Variants in RAPGEF4 observed in about 807,000 individuals in gnomAD.
The protein encoded by RAPGEF4 is RAP guanine-nucleotide-exchange factor (GEF) 4.
RAPGEF4 carries 66 observed loss-of-function variants against 147.9 expected under a neutral mutation model. The observed-to-expected ratio is 0.45, with a 90% CI of 0.37 to 0.55. RAPGEF4 has a LOEUF of 0.55. Among genes scored for constraint, RAPGEF4 ranks in the 20% least tolerant of loss-of-function variants. The pLI, the probability that RAPGEF4 is intolerant of heterozygous loss-of-function variation, is 0.00. For missense variants in RAPGEF4, 1,071 were observed against 1,257.3 expected (o/e 0.85, Z 2.24); for synonymous variants, 419 against 442.7 (o/e 0.95, Z 0.67).
intron 6 of RAPGEF4, among the ~76,000 whole-genome samples, chr2:172,942,410 A>G (rs1326170743): frequency 2.6e-5 from 4 of 151,734 alleles, no homozygotes; most frequent in African/African-American, 9.7e-5. Flanking sequence ...AGGAGACAGC[A>G]TTTTGCTGCT....
At chr2:172,995,885 A>G (rs1007519752) in intron 15 of RAPGEF4, among the ~76,000 whole-genome samples, 1 of 152,216 alleles carries the variant, frequency 6.6e-6, no homozygotes, top group East Asian at 1.9e-4. Context: ...TTTCCCATTC[A>G]TGATCTACTG....
chr2:172,977,906 G>A (rs1691253946), intron 10 of RAPGEF4, among the ~76,000 whole-genome samples: 1 of 152,242 alleles, frequency 6.6e-6, no homozygotes, highest in Non-Finnish European at 1.5e-5. Flanking sequence ...ATTGCCAAAT[G>A]ATAGTTGCTT....
chr2:172,905,875 A>G (rs1025742790), intron 4 of RAPGEF4, among the ~76,000 whole-genome samples: 3 of 152,266 alleles, frequency 2.0e-5, no homozygotes, highest in African/African-American at 7.2e-5. Flanking sequence ...TCCAGGAACA[A>G]GGAAACAGAA....
chr2:173,017,397 T>C (rs964537434), intron 20 of RAPGEF4, 29 bp from the exon 21 acceptor site: 3 of 1,601,240 alleles, frequency 1.9e-6, no homozygotes, highest in African/African-American at 2.7e-5. Context: ...CACTGTCCCT[T>C]ATGGCACTTG....
At chr2:173,021,978 G>A (rs548758361) in intron 23 of RAPGEF4, among the ~76,000 whole-genome samples, 2 of 152,042 alleles carry the variant, frequency 1.3e-5, no homozygotes, top group African/African-American at 2.4e-5. Flanking sequence ...CCGCCTTTCC[G>A]TATATTTTTT....
chr2:172,863,490 A>T (rs1694255096), intron 4 of RAPGEF4, among the ~76,000 whole-genome samples: 1 of 152,188 alleles, frequency 6.6e-6, no homozygotes, highest in Non-Finnish European at 1.5e-5. Context: ...AAAAAATGCC[A>T]CTGAGGGGAT....
At chr2:172,768,223 A>T (rs1273846830) in intron 1 of RAPGEF4, among the ~76,000 whole-genome samples, 3 of 152,200 alleles carry the variant, frequency 2.0e-5, no homozygotes, top group Admixed American at 6.5e-5. Flanking sequence ...TATTAAAGTC[A>T]AGGAGGGAGC....
intron 6 of RAPGEF4, among the ~76,000 whole-genome samples, chr2:172,948,482 A>G (rs1687901050): frequency 6.6e-6 from 1 of 152,218 alleles, no homozygotes; most frequent in Admixed American, 6.5e-5. Context: ...ATCTAGGGAA[A>G]AATAAGAGGA....
chr2:172,774,855 C>T (rs543814270), intron 1 of RAPGEF4, among the ~76,000 whole-genome samples: 1 of 152,176 alleles, frequency 6.6e-6, no homozygotes, highest in African/African-American at 2.4e-5. Flanking sequence ...ACATGCTAGA[C>T]ATGTACCAGT....
chr2:173,011,347 C>A (rs1338104662), intron 17 of RAPGEF4, among the ~76,000 whole-genome samples: 1 of 152,164 alleles, frequency 6.6e-6, no homozygotes, highest in Non-Finnish European at 1.5e-5. Context: ...AGAGCCCTGT[C>A]TGAATTTGCA....
chr2:172,744,423 G>A (rs1258650961), intron 1 of RAPGEF4: 2 of 456,294 alleles, frequency 4.4e-6, no homozygotes, highest in South Asian at 1.6e-5. Context: ...GCTATGTTGA[G>A]GTGTGTGAGC....
chr2:173,012,053 A>C (rs553868596), intron 17 of RAPGEF4, among the ~76,000 whole-genome samples: 1 of 152,348 alleles, frequency 6.6e-6, no homozygotes, highest in East Asian at 1.9e-4. Context: ...TGTAGTTTAT[A>C]GAGTAACTTA....
At chr2:172,982,628 T>C (rs143559214) in intron 10 of RAPGEF4, among the ~76,000 whole-genome samples, 37 of 152,286 alleles carry the variant, frequency 2.4e-4, no homozygotes, top group African/African-American at 8.4e-4. Context: ...TATTCAGTCT[T>C]CCAGTGCCAA....
intron 18 of RAPGEF4, 54 bp from the exon 19 acceptor site, chr2:173,016,295 A>T (rs1559186925): frequency 1.7e-5 from 21 of 1,265,290 alleles, no homozygotes; most frequent in Non-Finnish European, 2.2e-5. Context: ...TCTTGACAGA[A>T]TCATGTGCCT....
intron 12 of RAPGEF4, among the ~76,000 whole-genome samples, chr2:172,987,261 C>T (rs1692359901): frequency 6.6e-6 from 1 of 152,126 alleles, no homozygotes; most frequent in African/African-American, 2.4e-5. Context: ...GTGATCACGC[C>T]ACTGCACTCC....
intron 4 of RAPGEF4, among the ~76,000 whole-genome samples, chr2:172,832,550 G>A (rs1043813398): frequency 2.6e-5 from 4 of 152,166 alleles, no homozygotes; most frequent in African/African-American, 9.7e-5. Context: ...TTGTTTATCT[G>A]TGGTGCAATA....
intron 3 of RAPGEF4, among the ~76,000 whole-genome samples, chr2:172,806,015 CTGTG>C (rs36226317): frequency 0.17 from 23,961 of 144,872 alleles, 2,017 homozygotes; most frequent in Middle Eastern, 0.19. Flanking sequence ...TATTATCCGG[CTGTG>C]TGTGTGTGTG....
intron 1 of RAPGEF4, among the ~76,000 whole-genome samples, chr2:172,790,028 G>T (rs1685638726): frequency 6.6e-6 from 1 of 152,102 alleles, no homozygotes; most frequent in Non-Finnish European, 1.5e-5. Flanking sequence ...ACTTTTTGAG[G>T]AATCTCTAAA....
At chr2:172,846,826 T>C (rs1458360530) in intron 4 of RAPGEF4, among the ~76,000 whole-genome samples, 2 of 152,134 alleles carry the variant, frequency 1.3e-5, no homozygotes, top group African/African-American at 4.8e-5. Context: ...ACAGGCAGGT[T>C]TTTCAGTCTG....
Sources: gnomAD v4.1 joint callset for allele counts (sites outside exome capture counted in the v4.1 genomes callset) on GRCh38, gnomAD v4.1.1 for gene constraint, MANE v1.5 for transcripts, NCBI Gene and HGNC (gene_info 2026-07-23, HGNC 2026-07-21) for gene names.